Variants in AP1M2 observed in about 807,000 individuals in gnomAD.
AP1M2 encodes adaptor related protein complex 1 subunit mu 2, also known as AP-1 complex subunit mu-2.
In AP1M2, 41 loss-of-function variants were observed where a neutral mutation model predicts 54.6. The ratio of observed to expected loss-of-function variants is 0.75; its 90% CI spans 0.59 to 0.97. The LOEUF is 0.97. Among genes scored for constraint, AP1M2 ranks in the 50% least tolerant of loss-of-function variants. The pLI is 0.00. For synonymous variants in AP1M2, 219 were observed against 215.9 expected (o/e 1.01, Z -0.13); for missense variants, 507 against 561.2 (o/e 0.90, Z 0.98).
rs1338602444 is a variant in AP1M2 at position 10,584,047 on chromosome 19, C to T, written c.66G>A (p.Lys22=). Residue 22 remains lysine, a synonymous_variant, in exon 2 of 12, where the codon AAG becomes AAA. Coordinates refer to ENST00000250244, the MANE Select transcript of AP1M2 (RefSeq NM_005498.5). ...CAATCTTGCTCATGGCCACATCGCC[C>T]TTGTAGTTGCGGCTGATCAATGGCT... ...KGKPLISRNY[K]GDVAMSKIEH... The T allele has an allele frequency of 6.2e-7, 1 of 1,610,842 alleles. No individual in the cohort carries two copies. Among genetic ancestry groups the T allele is most frequent in the Non-Finnish European group, 8.5e-7 (1 of 1,178,674 alleles).
intron 3 of AP1M2, among the ~76,000 whole-genome samples, chr19:10,582,285 G>A (rs919013121): frequency 2.0e-5 from 3 of 149,350 alleles, no homozygotes; most frequent in Admixed American, 7.0e-5. Flanking sequence ...CTCGTAATCC[G>A]CCCACTTTGG....
At chr19:10,581,049 G>T (rs900053935) in intron 6 of AP1M2, among the ~76,000 whole-genome samples, 6 of 152,192 alleles carry the variant, frequency 3.9e-5, no homozygotes, top group African/African-American at 1.4e-4. Flanking sequence ...CTTCACTGCT[G>T]TGTCCTCAGA....
chr19:10,585,283 AAAAGAAAG>A (rs71297575), intron 1 of AP1M2, among the ~76,000 whole-genome samples: 1,685 of 104,550 alleles, frequency 0.016, 69 homozygotes, highest in Middle Eastern at 0.027. Flanking sequence ...AAAGAAGAAA[AAAAGAAAG>A]AAAGAAAGAA....
chr19:10,584,436 C>T (rs1463316971), intron 1 of AP1M2, among the ~76,000 whole-genome samples: 4 of 152,038 alleles, frequency 2.6e-5, no homozygotes, highest in African/African-American at 4.8e-5. Flanking sequence ...AAAAATTAGC[C>T]GGGCGTGATG....
chr19:10,577,495 G>A (rs574088584), intron 8 of AP1M2, 139 bp from the exon 9 acceptor site: 5 of 900,942 alleles, frequency 5.5e-6, no homozygotes, highest in African/African-American at 3.9e-5. Flanking sequence ...GTGCAGTGGC[G>A]CGATCTCGGC....
In AP1M2 at chr19:10,587,277, G is replaced by A. The variant is rs748288808; in HGVS notation, c.-46C>T. On this transcript the variant is annotated 5_prime_UTR_variant, in exon 1 of 12. Transcript: ENST00000250244. ...GGAGTCGGGGAGGGAGCGCCGGGAGGCGATGGCGGCGCCGCTTCCTTCTTC... is the reference window on the plus strand; with the variant it reads ...GGAGTCGGGGAGGGAGCGCCGGGAGACGATGGCGGCGCCGCTTCCTTCTTC... The A allele has an allele frequency of 6.4e-7, 1 of 1,552,264 alleles. No homozygotes were observed. The highest frequency in any genetic ancestry group is 1.4e-5 in the African/African-American group (1 of 73,082).
At position 10,577,268 on chromosome 19, in the gene AP1M2, TTGAATCTG is replaced by T; in HGVS notation, c.969_976del (p.Arg324AspfsTer20). ...ATACTTGGCGCTGCCCACACTGGTC[TTGAATCTG>T]GGGGAGTCGGCATCGCTGGGTACAG... On this transcript the variant is annotated frameshift_variant, in exon 9 of 12. Coordinates refer to ENST00000250244, the MANE Select transcript of AP1M2 (RefSeq NM_005498.5). LOFTEE classifies it high-confidence loss of function. The T allele has an allele frequency of 6.2e-7, 1 of 1,613,282 alleles. No homozygotes were observed. The highest frequency in any genetic ancestry group is 8.5e-7 in the Non-Finnish European group (1 of 1,179,694).
At chr19:10,584,652 G>T (rs1368194942) in intron 1 of AP1M2, among the ~76,000 whole-genome samples, 2 of 140,608 alleles carry the variant, frequency 1.4e-5, no homozygotes, top group African/African-American at 5.1e-5. Context: ...GGGAGGGTAG[G>T]AGGGAAGGAA....
At chr19:10,586,249 C>T (rs1263538478) in intron 1 of AP1M2, among the ~76,000 whole-genome samples, 1 of 151,114 alleles carries the variant, frequency 6.6e-6, no homozygotes, top group Non-Finnish European at 1.5e-5. Context: ...TGCCATTGCA[C>T]TCCAGCCTGG....
intron 3 of AP1M2, 26 bp downstream of exon 3, chr19:10,583,580 T>G: frequency 6.4e-7 from 1 of 1,556,892 alleles, no homozygotes; most frequent in Non-Finnish European, 8.8e-7. Flanking sequence ...GATAGACCAG[T>G]TAGCCAATGG....
chr19:10,584,137 A>T, intron 1 of AP1M2, 67 bp from the exon 2 acceptor site: 1 of 1,545,818 alleles, frequency 6.5e-7, no homozygotes, highest in South Asian at 1.2e-5. Flanking sequence ...GAGGAGGCAC[A>T]GTGCCCGGTT....
rs2144768990 is a variant in AP1M2, at chr19:10,583,808, T to C, written c.199+106A>G. The C allele has an allele frequency of 3.3e-6, 5 of 1,493,372 alleles. No homozygotes were observed. In the East Asian group the frequency reaches 1.2e-4, roughly 36 times the overall value. The allele number at this position is 1,493,372 out of a possible 1,614,324, so 92.5% of individuals were successfully genotyped here. On this transcript the variant is annotated intron_variant, in intron 2 of 11. Transcript: ENST00000250244. ...TGCCCCCCAGCCTAAGCCACAGAGA[T>C]GTGCGGTGCAACTCCTGTCCTCAGC...
Position 10,581,395 on chromosome 19 carries a change from G to A in AP1M2, c.547-3C>T. On this transcript the variant is annotated splice_region_variant and splice_polypyrimidine_tract_variant and intron_variant, in intron 5 of 11. Transcript: ENST00000250244. ...AGGACGCTGCCGTTGGCATTGACCTGAGGGAGGACGTTGGGTATAGTTAGC... is the reference window on the plus strand; with the variant it reads ...AGGACGCTGCCGTTGGCATTGACCTAAGGGAGGACGTTGGGTATAGTTAGC... 1.2e-6 allele frequency: 2 copies of A among 1,610,512 alleles called. No homozygotes were observed. Among genetic ancestry groups the A allele is most frequent in the Non-Finnish European group, 1.7e-6 (2 of 1,177,102 alleles).
At position 10,585,276 on chromosome 19, in the gene AP1M2, GAAGAAAAAAAGAAAGAAAGAAAGAAAGA is replaced by G. The variant is rs1346653516; in HGVS notation, c.43-1234_43-1207del. Among the ~76,000 whole-genome samples, 72 of 77,448 alleles carry G rather than the reference GAAGAAAAAAAGAAAGAAAGAAAGAAAGA, an allele frequency of 9.3e-4. 2 individuals are homozygous for G. The highest frequency in any genetic ancestry group is 2.4e-3 in the African/African-American group (60 of 25,120). The allele number at this position is 77,448 out of a possible 152,430, so 50.8% of individuals were successfully genotyped here. A position where few individuals can be genotyped will look rare whatever the true frequency, so the allele number is the denominator to read the frequency against. On this transcript the variant is annotated intron_variant, in intron 1 of 11. Transcript: ENST00000250244. ...AGAAGGAAAGAAGGAAAGAAAGAAA[GAAGAAAAAAAGAAAGAAAGAAAGAAAGA>G]AAGAAAGAAAGAAAGAAAGAAAGAA... is the stretch of plus-strand genomic sequence containing the variant.
intron 3 of AP1M2, among the ~76,000 whole-genome samples, chr19:10,583,293 G>A (rs1363435779): frequency 6.6e-6 from 1 of 152,068 alleles, no homozygotes; most frequent in East Asian, 1.9e-4. Flanking sequence ...GACTTCATAA[G>A]CAGCTGATGA....
intron 1 of AP1M2, chr19:10,585,180 A>G (rs768604740): frequency 2.6e-5 from 4 of 151,152 alleles, no homozygotes; most frequent in Admixed American, 6.7e-5. Context: ...ATACTACTGC[A>G]CTCCAGCCCG....
intron 8 of AP1M2, among the ~76,000 whole-genome samples, chr19:10,578,683 C>T (rs372166658): frequency 6.6e-6 from 1 of 152,118 alleles, no homozygotes; most frequent in South Asian, 2.1e-4. Flanking sequence ...TCCCAACTAA[C>T]TGGCACTACA....
In AP1M2 at chr19:10,577,243, A is replaced by G. The variant is rs1198967007; in HGVS notation, c.1002T>C (p.Tyr334=). 11 of 1,613,218 alleles carry G rather than the reference A, an allele frequency of 6.8e-6. No homozygotes were observed. Among genetic ancestry groups the G allele is most frequent in the Non-Finnish European group, 9.3e-6 (11 of 1,179,694 alleles). ...AAATCACGACGTTTCTCTCCGGCAC[A>G]TACTTGGCGCTGCCCACACTGGTCT... ...RFKTSVGSAK[Y]VPERNVVIWS... Residue 334 remains tyrosine, a synonymous_variant, in exon 9 of 12, where the codon TAT becomes TAC. Transcript: ENST00000250244.
chr19:10,584,011 C>A lies in AP1M2; in HGVS notation c.102G>T (p.Met34Ile). Residue 34 changes from methionine (M) to isoleucine (I), a missense_variant, in exon 2 of 12, where the codon ATG (methionine) becomes ATT (isoleucine). Transcript: ENST00000250244. ...DVAMSKIEHF[M>I]PLLVQREEEG... ...CCTCCTCCCGCTGTACCAGCAAAGG[C>A]ATGAAGTGCTCAATCTTGCTCATGG... 1 of 1,610,224 alleles carries A rather than the reference C, an allele frequency of 6.2e-7. No homozygotes were observed. The highest frequency in any genetic ancestry group is 8.5e-7 in the Non-Finnish European group (1 of 1,178,388).
Sources: allele counts gnomAD v4.1 joint callset (sites outside exome capture counted in the v4.1 genomes callset), GRCh38; gene constraint gnomAD v4.1.1; transcripts MANE v1.5; gene names NCBI Gene and HGNC (gene_info 2026-07-23, HGNC 2026-07-21).